The following CEP112 variants were observed in gnomAD, a reference collection of about 807,000 sequenced individuals.
The protein encoded by CEP112 is centrosomal protein 112, also known as centrosomal protein of 112 kDa.
A neutral mutation model predicts 153.0 loss-of-function variants in CEP112; 127 were observed. The observed-to-expected ratio is 0.83, with a 90% CI of 0.72 to 0.96. The LOEUF is 0.96. Ranked by LOEUF, CEP112 falls within the 40% of genes least tolerant of loss-of-function variation. The pLI is 0.00. For missense variants in CEP112, 1,089 were observed against 1,101.2 expected (o/e 0.99, Z 0.16); for synonymous variants, 358 against 374.4 (o/e 0.96, Z 0.51).
intron 17 of CEP112, among the ~76,000 whole-genome samples, chr17:65,988,077 C>A (rs752391270): frequency 2.0e-5 from 3 of 152,070 alleles, no homozygotes; most frequent in Non-Finnish European, 4.4e-5. Flanking sequence ...AGCCCAGGTC[C>A]CCTAGGCACA....
chr17:66,169,118 T>TA (rs570641230), intron 4 of CEP112, among the ~76,000 whole-genome samples: 58 of 152,000 alleles, frequency 3.8e-4, no homozygotes, highest in Non-Finnish European at 6.9e-4. Flanking sequence ...TTTATAACAA[T>TA]AAAAAATTAA....
intron 24 of CEP112, among the ~76,000 whole-genome samples, chr17:65,643,445 G>A (rs541797131): frequency 6.7e-5 from 10 of 148,462 alleles, no homozygotes; most frequent in African/African-American, 2.0e-4. Context: ...TTACAAGCAC[G>A]CACCACCACA....
chr17:65,746,894 AAAG>A (rs2051506594), intron 22 of CEP112, among the ~76,000 whole-genome samples: 1 of 152,208 alleles, frequency 6.6e-6, no homozygotes, highest in Non-Finnish European at 1.5e-5. Flanking sequence ...AGTTTCAATG[AAAG>A]AAGCAGATTA....
chr17:65,644,070 G>A lies in CEP112; in HGVS notation c.2698-3005C>T, dbSNP rs79395824. ...GGTGTCAATGATGGTGACATTGAAG[G>A]TGACTCCCTTGAGCCACAGCACCAT... On this transcript the variant is annotated intron_variant, in intron 24 of 26. Transcript: ENST00000535342. 3.0e-3 allele frequency among the ~76,000 whole-genome samples: 455 copies of A among 152,242 alleles called. 3 individuals carry two copies. Among genetic ancestry groups the A allele is most frequent in the African/African-American group, 9.9e-3 (413 of 41,544 alleles).
At chr17:65,744,107 C>A (rs1446719366) in intron 22 of CEP112, among the ~76,000 whole-genome samples, 1 of 151,964 alleles carries the variant, frequency 6.6e-6, no homozygotes, top group African/African-American at 2.4e-5. Context: ...AGAAAGAGGA[C>A]AAATACCTTA....
chr17:66,065,544 A>G (rs550837826), intron 10 of CEP112, among the ~76,000 whole-genome samples: 1 of 152,218 alleles, frequency 6.6e-6, no homozygotes, highest in East Asian at 1.9e-4. Context: ...TCCAGCATCT[A>G]CAGGACAAAG....
chr17:65,913,657 G>A (rs1366466463), intron 19 of CEP112: 7 of 985,166 alleles, frequency 7.1e-6, no homozygotes, highest in East Asian at 1.1e-4. Context: ...TGTGATAACC[G>A]CTGTTAGAGA....
intron 24 of CEP112, among the ~76,000 whole-genome samples, chr17:65,676,076 C>T (rs1030645183): frequency 4.6e-5 from 7 of 152,158 alleles, no homozygotes; most frequent in Admixed American, 1.3e-4. Flanking sequence ...CAGTGGTTCA[C>T]GTAGCACTGC....
At chr17:65,861,689 T>C (rs1014406089) in intron 20 of CEP112, among the ~76,000 whole-genome samples, 12 of 152,246 alleles carry the variant, frequency 7.9e-5, no homozygotes, top group Admixed American at 6.5e-4. Context: ...AAGGCTATTT[T>C]GATATCATTT....
At chr17:65,829,633 T>C (rs1195687873) in intron 21 of CEP112, among the ~76,000 whole-genome samples, 1 of 152,236 alleles carries the variant, frequency 6.6e-6, no homozygotes, top group African/African-American at 2.4e-5. Flanking sequence ...TCAGAAAGGC[T>C]GCTTGGAATA....
chr17:65,743,076 C>A lies in CEP112; in HGVS notation c.2599G>T (p.Ala867Ser), dbSNP rs1439712421. The change falls in exon 23 of 27, where the codon GCA (alanine) becomes TCA (serine). Residue 867 changes from alanine to serine, a missense_variant. Physicochemically the swap from Ala to Ser is moderately conservative, Grantham distance 99. Coordinates refer to ENST00000535342, the MANE Select transcript of CEP112 (RefSeq NM_001199165.4). ...KKQLIRDNDQ[A>S]IKVLQDELEN... ...TGAAGTCTTCAGATTACCTTGATTG[C>A]TTGGTCATTATCTCTAATCAGCTGC... The A allele has an allele frequency of 6.2e-7, 1 of 1,607,366 alleles. No homozygotes were observed. Among genetic ancestry groups the A allele is most frequent in the Non-Finnish European group, 8.5e-7 (1 of 1,177,574 alleles).
chr17:66,051,948 T>C (rs1000793893), intron 12 of CEP112, among the ~76,000 whole-genome samples: 3 of 152,344 alleles, frequency 2.0e-5, no homozygotes, highest in South Asian at 4.1e-4. Context: ...CCAAACATCA[T>C]AGCTTAGCCT....
chr17:65,851,973 G>A lies in CEP112; in HGVS notation c.2225C>T (p.Ser742Leu). 6.2e-7 allele frequency: 1 copy of A among 1,613,980 alleles called. No homozygotes were observed. The highest frequency in any genetic ancestry group is 8.5e-7 in the Non-Finnish European group (1 of 1,180,012). ...KLREELINVN[S>L]QRKQQLVELG... ...CTCTACCAGCTGCTGTTTCCGCTGT[G>A]AGTTCACATTGATCAATTCTTCTCT... The change falls in exon 21 of 27, where the codon TCA (serine) becomes TTA (leucine). Residue 742 changes from serine to leucine, a missense_variant. Coordinates refer to ENST00000535342, the MANE Select transcript of CEP112 (RefSeq NM_001199165.4).
intron 21 of CEP112, among the ~76,000 whole-genome samples, chr17:65,794,008 T>A (rs1051816511): frequency 3.3e-5 from 5 of 152,236 alleles, no homozygotes; most frequent in Admixed American, 3.3e-4. Context: ...ATTCAGATAT[T>A]CTCTTTCCAC....
At chr17:66,046,695 G>A (rs34785506) in intron 12 of CEP112, among the ~76,000 whole-genome samples, 62,474 of 151,958 alleles carry the variant, frequency 0.41, 14,313 homozygotes, top group East Asian at 0.87. Context: ...GCAGATGTAA[G>A]CAAGTTAAAA....
At chr17:65,835,020 G>T (rs1373974017) in intron 21 of CEP112, among the ~76,000 whole-genome samples, 1 of 151,940 alleles carries the variant, frequency 6.6e-6, no homozygotes, top group East Asian at 1.9e-4. Context: ...AGCCATAAAA[G>T]AATGAGATCA....
chr17:65,657,175 A>G (rs994933871), intron 24 of CEP112, among the ~76,000 whole-genome samples: 23 of 152,146 alleles, frequency 1.5e-4, no homozygotes, highest in African/African-American at 5.3e-4. Context: ...CTTTTTATAT[A>G]TGGTTGAGAT....
chr17:66,016,799 C>G (rs12936595), intron 16 of CEP112, among the ~76,000 whole-genome samples: 1 of 151,648 alleles, frequency 6.6e-6, no homozygotes, highest in African/African-American at 2.4e-5. Context: ...TTGAGATTTA[C>G]GCCTTTAAAT....
At chr17:66,063,776 C>T (rs1032925477) in intron 10 of CEP112, among the ~76,000 whole-genome samples, 16 of 152,164 alleles carry the variant, frequency 1.1e-4, no homozygotes, top group Non-Finnish European at 2.1e-4. Context: ...CTGACATGGA[C>T]AAGAGTTCCT....
Sources: allele counts gnomAD v4.1 joint callset (sites outside exome capture counted in the v4.1 genomes callset), GRCh38; gene constraint gnomAD v4.1.1; transcripts MANE v1.5; gene names NCBI Gene and HGNC (gene_info 2026-07-23, HGNC 2026-07-21).